Variants in RPF2 observed in about 807,000 individuals in gnomAD.
RPF2 encodes the protein brix domain containing 1.
A neutral mutation model predicts 38.9 loss-of-function variants in RPF2; 21 were observed. That is an observed-to-expected ratio of 0.54 (90% confidence interval 0.38 to 0.78). The LOEUF (loss-of-function observed/expected upper bound fraction) is 0.78, where lower values mean the gene tolerates loss of function less well. RPF2 is among the 30% of genes least tolerant of loss of function. The probability of loss-of-function intolerance (pLI) is 0.00; values close to 1 mark genes in which losing one functional copy is unlikely to be tolerated. For missense variants in RPF2, 314 were observed against 358.1 expected (o/e 0.88, Z 0.99); for synonymous variants, 121 against 126.2 (o/e 0.96, Z 0.28).
Position 111,012,320 on chromosome 6 carries a change from G to A in RPF2, c.494-3434G>A, listed in dbSNP as rs138716760. Among the ~76,000 whole-genome samples, 962 of 151,870 alleles carry A rather than the reference G, an allele frequency of 6.3e-3. 12 individuals are homozygous for A. The highest frequency in any genetic ancestry group is 0.022 in the African/African-American group (924 of 41,412). On this transcript the variant is annotated intron_variant, in intron 7 of 9. Coordinates refer to ENST00000441448, the MANE Select transcript of RPF2 (RefSeq NM_032194.3). ...TCAGTAGCTGGGACCACAGGTACAC[G>A]TCACCACGCCCAGCTAATTTTTTTT...
intron 6 of RPF2, among the ~76,000 whole-genome samples, chr6:111,003,088 C>T (rs1428838442): frequency 2.1e-5 from 3 of 143,350 alleles, no homozygotes; most frequent in South Asian, 2.5e-4. Context: ...TACCCCCCCC[C>T]CTTTTTTTTT....
chr6:111,023,910 C>T (rs1443110828), intron 8 of RPF2, among the ~76,000 whole-genome samples: 1 of 151,978 alleles, frequency 6.6e-6, no homozygotes, highest in African/African-American at 2.4e-5. Context: ...ATGGCGTGAA[C>T]CTGGGAGGTG....
intron 6 of RPF2, among the ~76,000 whole-genome samples, chr6:111,006,029 C>T (rs1007827366): frequency 3.9e-5 from 6 of 152,066 alleles, no homozygotes; most frequent in African/African-American, 1.4e-4. Context: ...TGGTCTCAAA[C>T]TCCTGACCTC....
chr6:110,994,734 T>TACAC (rs71021820), intron 4 of RPF2, among the ~76,000 whole-genome samples: 20,963 of 133,814 alleles, frequency 0.16, 1,958 homozygotes, highest in Admixed American at 0.22. Context: ...TGAGTATATA[T>TACAC]ACACACACAC....
chr6:111,022,596 CAA>C lies in RPF2; in HGVS notation c.597-1582_597-1581del, dbSNP rs71645378. 7.0e-3 allele frequency among the ~76,000 whole-genome samples: 1,044 copies of C among 148,494 alleles called. 12 individuals carry two copies. Among genetic ancestry groups the C allele is most frequent in the African/African-American group, 0.025 (998 of 39,296 alleles). ...GGAAATCTTAATTTTATGTACCACT[CAA>C]AAAATTCATTAGGACGCTTGTGAAT... On this transcript the variant is annotated intron_variant, in intron 8 of 9. Transcript: ENST00000441448.
At chr6:110,996,595 C>A (rs62420357) in intron 4 of RPF2, among the ~76,000 whole-genome samples, 2 of 152,254 alleles carry the variant, frequency 1.3e-5, no homozygotes, top group Admixed American at 1.3e-4. Flanking sequence ...GACAGCATAA[C>A]AAAATAAATG....
At chr6:110,996,946 C>T (rs768760158) in intron 4 of RPF2, among the ~76,000 whole-genome samples, 11 of 152,196 alleles carry the variant, frequency 7.2e-5, no homozygotes, top group East Asian at 1.9e-4. Flanking sequence ...GGATTACAGG[C>T]GTGTGCCTTC....
rs1384361606 is a variant in RPF2 at position 111,017,613 on chromosome 6, CG to C, written c.596+1761del. On this transcript the variant is annotated intron_variant, in intron 8 of 9. Coordinates refer to ENST00000441448, the MANE Select transcript of RPF2 (RefSeq NM_032194.3). ...GCAGAGGCGCTCCTCACATCCCAGA[CG>C]GGGCGGCAGGGCAGAGGCGCTCCCC... Among the ~76,000 whole-genome samples the C allele has an allele frequency of 4.8e-5, 7 of 146,726 alleles. No individual in the cohort carries two copies. The East Asian group carries it at 8.3e-4, about 17-fold the overall frequency.
chr6:110,991,389 C>T (rs917400791), intron 3 of RPF2, among the ~76,000 whole-genome samples: 3 of 147,620 alleles, frequency 2.0e-5, no homozygotes, highest in Admixed American at 1.4e-4. Context: ...CTGTGCTCGG[C>T]GCCCCCTGCT....
chr6:110,984,950 G>T, intron 1 of RPF2, 56 bp from the exon 2 acceptor site: 1 of 1,537,398 alleles, frequency 6.5e-7, no homozygotes, highest in South Asian at 1.3e-5. Context: ...TTAAGTCATG[G>T]CTTTGCAATG....
At chr6:111,012,319 C>A (rs1181286800) in intron 7 of RPF2, among the ~76,000 whole-genome samples, 4 of 151,876 alleles carry the variant, frequency 2.6e-5, no homozygotes. Context: ...CACAGGTACA[C>A]GTCACCACGC....
intron 2 of RPF2, among the ~76,000 whole-genome samples, chr6:110,988,712 C>G (rs1471661174): frequency 6.6e-6 from 1 of 152,136 alleles, no homozygotes; most frequent in East Asian, 1.9e-4. Context: ...GGATTACAGG[C>G]GTGAGCCACT....
intron 5 of RPF2, among the ~76,000 whole-genome samples, chr6:110,999,248 T>TG (rs1481900305): frequency 1.3e-5 from 2 of 152,070 alleles, no homozygotes; most frequent in South Asian, 2.1e-4. Context: ...CCATTGGAAT[T>TG]GGGGGGGAAA....
chr6:110,992,445 C>CTTTTT (rs56993092), intron 4 of RPF2, among the ~76,000 whole-genome samples: 5,013 of 141,430 alleles, frequency 0.035, 144 homozygotes, highest in South Asian at 0.1. Flanking sequence ...GATGTTTTTA[C>CTTTTT]TTTTTTTTTT....
chr6:110,986,247 T>C (rs1211566467), intron 2 of RPF2, among the ~76,000 whole-genome samples: 1 of 152,214 alleles, frequency 6.6e-6, no homozygotes, highest in Non-Finnish European at 1.5e-5. Context: ...CATTGAAAGA[T>C]ATTAAGCAAG....
At chr6:111,012,162 A>AT (rs570516659) in intron 7 of RPF2, among the ~76,000 whole-genome samples, 7,154 of 115,098 alleles carry the variant, frequency 0.062, 239 homozygotes, top group South Asian at 0.086. Context: ...TGTTTACATC[A>AT]TTTTTTTTTT....
Position 111,025,401 on chromosome 6 carries a change from A to T in RPF2, c.742-2A>T. On this transcript the variant is annotated splice_acceptor_variant, in intron 9 of 9. Transcript: ENST00000441448. LOFTEE classifies it high-confidence loss of function. ...AAATATATACATATTCTTTTATCGT[A>T]GCCAAAGAAGAAGAAAAATATTTCC... is the stretch of plus-strand genomic sequence containing the variant. 6.3e-7 allele frequency: 1 copy of T among 1,586,180 alleles called. No homozygotes were observed. The highest frequency in any genetic ancestry group is 8.6e-7 in the Non-Finnish European group (1 of 1,160,512).
intron 8 of RPF2, among the ~76,000 whole-genome samples, chr6:111,017,921 A>C (rs977210032): frequency 1.3e-5 from 2 of 152,072 alleles, no homozygotes; most frequent in African/African-American, 2.4e-5. Flanking sequence ...AGCCTGGGCA[A>C]CATTGAGCAC....
intron 2 of RPF2, among the ~76,000 whole-genome samples, chr6:110,986,719 C>T (rs907033004): frequency 1.3e-5 from 2 of 151,908 alleles, no homozygotes; most frequent in Non-Finnish European, 1.5e-5. Context: ...TTTGGGAGGC[C>T]GAGGTGGGCG....
Sources: allele counts gnomAD v4.1 joint callset (sites outside exome capture counted in the v4.1 genomes callset), GRCh38; gene constraint gnomAD v4.1.1; transcripts MANE v1.5; gene names NCBI Gene and HGNC (gene_info 2026-07-23, HGNC 2026-07-21).